Variants in KLRG1 observed in about 807,000 individuals in gnomAD.
KLRG1 encodes the protein killer cell lectin-like receptor subfamily G member 1.
In KLRG1, 16 loss-of-function variants were observed where a neutral mutation model predicts 21.8. The observed-to-expected ratio is 0.73, with a 90% confidence interval of 0.50 to 1.11. The LOEUF (loss-of-function observed/expected upper bound fraction) is 1.11. Among genes scored for constraint, KLRG1 ranks in the 50% most tolerant of loss-of-function variants. KLRG1 has a pLI of 0.00. For synonymous variants in KLRG1, 69 were observed against 75.9 expected, an observed-to-expected ratio of 0.91 and a Z score of 0.47; for missense variants, 173 against 218.3, an observed-to-expected ratio of 0.79 and a Z score of 1.31.
chr12:9,100,616 G>GA, the KLRG1 span, among the ~76,000 whole-genome samples: 2 of 151,226 alleles, frequency 1.3e-5, no homozygotes, highest in African/African-American at 2.4e-5. Flanking sequence ...AAAATAGGCT[G>GA]AAAAAAAAGA....
At chr12:9,171,062 A>G in the KLRG1 span, among the ~76,000 whole-genome samples, 6 of 152,276 alleles carry the variant, frequency 3.9e-5, no homozygotes, top group Admixed American at 2.0e-4. Flanking sequence ...AGACCTCCCA[A>G]TGAGGGTCTC....
the KLRG1 span, among the ~76,000 whole-genome samples, chr12:9,044,914 T>C: frequency 2.0e-5 from 3 of 152,196 alleles, no homozygotes; most frequent in Non-Finnish European, 4.4e-5. Context: ...ATTCAGAGCA[T>C]TGCTGTATAC....
chr12:9,194,268 G>C, the KLRG1 span: 4 of 1,608,394 alleles, frequency 2.5e-6, no homozygotes, highest in Non-Finnish European at 3.4e-6. Flanking sequence ...GATAGTTGAT[G>C]TGAACAACAC....
chr12:9,178,705 A>C, the KLRG1 span, among the ~76,000 whole-genome samples: 2 of 152,164 alleles, frequency 1.3e-5, no homozygotes, highest in African/African-American at 4.8e-5. Flanking sequence ...AAAGGCATTA[A>C]ATTTGTGGGT....
chr12:9,011,592 A>AT (rs141482771), downstream of KLRG1, among the ~76,000 whole-genome samples: 1,125 of 152,288 alleles, frequency 7.4e-3, 23 homozygotes, highest in African/African-American at 0.025. Context: ...GCCTCCACTG[A>AT]TTTTTCCCCC....
At chr12:9,106,271 A>G in the KLRG1 span, 1 of 1,612,542 alleles carries the variant, frequency 6.2e-7, no homozygotes, top group Non-Finnish European at 8.5e-7. Context: ...CGAAAGTGTG[A>G]GTCCACTTTC....
At chr12:9,116,871 A>G in the KLRG1 span, among the ~76,000 whole-genome samples, 2 of 152,212 alleles carry the variant, frequency 1.3e-5, no homozygotes, top group East Asian at 1.9e-4. Flanking sequence ...AAAATACAAT[A>G]TAACACCTAC....
chr12:9,092,341 G>A, the KLRG1 span, among the ~76,000 whole-genome samples: 1 of 152,152 alleles, frequency 6.6e-6, no homozygotes. Context: ...GCAATCAGGA[G>A]TCTCCCTAGA....
At chr12:8,963,998 A>G (rs753407086) in intron 1 of KLRG1, among the ~76,000 whole-genome samples, 2 of 152,230 alleles carry the variant, frequency 1.3e-5, no homozygotes, top group East Asian at 3.9e-4. Context: ...TCCTGGATTC[A>G]TTAATTTTTT....
chr12:9,202,416 G>C, the KLRG1 span: 3 of 1,613,564 alleles, frequency 1.9e-6, no homozygotes, highest in Admixed American at 5.0e-5. Context: ...GATAAAGCAG[G>C]TAATTTGGGT....
intron 3 of KLRG1, among the ~76,000 whole-genome samples, chr12:9,003,935 T>C (rs1249692663): frequency 7.3e-5 from 11 of 151,648 alleles, no homozygotes; most frequent in African/African-American, 2.4e-4. Flanking sequence ...TTCCCATCTA[T>C]GAGTGAGAAC....
the KLRG1 span, among the ~76,000 whole-genome samples, chr12:9,063,180 A>C: frequency 6.6e-6 from 1 of 152,168 alleles, no homozygotes; most frequent in African/African-American, 2.4e-5. Context: ...AGAATTCTTG[A>C]TTAAACAATA....
At chr12:8,963,736 A>C (rs997406550) in intron 1 of KLRG1, among the ~76,000 whole-genome samples, 5 of 152,180 alleles carry the variant, frequency 3.3e-5, no homozygotes, top group Non-Finnish European at 7.3e-5. Flanking sequence ...CTATTCAGAG[A>C]TTCAACTTCT....
chr12:8,993,243 GA>G, intron 2 of KLRG1, among the ~76,000 whole-genome samples: 1 of 152,056 alleles, frequency 6.6e-6, no homozygotes, highest in East Asian at 1.9e-4. Flanking sequence ...TTTAGGGGAT[GA>G]TAGTGACCGA....
At chr12:9,016,992 A>T in the KLRG1 span, among the ~76,000 whole-genome samples, 3 of 152,216 alleles carry the variant, frequency 2.0e-5, no homozygotes, top group South Asian at 6.2e-4. Context: ...CCTGATACAA[A>T]ACCAAAGACA....
the KLRG1 span, chr12:9,093,363 A>G: frequency 1.3e-6 from 1 of 754,892 alleles, no homozygotes; most frequent in Non-Finnish European, 2.3e-6. Flanking sequence ...CATGTTGTAC[A>G]TCATAAACAT....
chr12:9,150,343 C>T, the KLRG1 span, among the ~76,000 whole-genome samples: 1 of 152,128 alleles, frequency 6.6e-6, no homozygotes, highest in Admixed American at 6.5e-5. Context: ...AGTGCAATGG[C>T]GTGATCTCAG....
At chr12:8,991,267 C>T (rs891423578) in intron 1 of KLRG1, among the ~76,000 whole-genome samples, 2 of 150,280 alleles carry the variant, frequency 1.3e-5, no homozygotes, top group Non-Finnish European at 3.0e-5. Flanking sequence ...TTCCATTTTT[C>T]AAATTTAAAA....
chr12:8,977,393 T>A (rs1946675564), intron 1 of KLRG1, among the ~76,000 whole-genome samples: 1 of 149,134 alleles, frequency 6.7e-6, no homozygotes, highest in African/African-American at 2.5e-5. Context: ...TTTTTTTATT[T>A]GTAGTAGAGA....
Sources: gnomAD v4.1 joint callset for allele counts (sites outside exome capture counted in the v4.1 genomes callset) on GRCh38, gnomAD v4.1.1 for gene constraint, MANE v1.5 for transcripts, NCBI Gene and HGNC (gene_info 2026-07-23, HGNC 2026-07-21) for gene names.